Variants in SUN1 observed in about 807,000 individuals in gnomAD.
SUN1 encodes the protein SUN domain-containing protein 1.
A neutral mutation model predicts 103.2 loss-of-function variants in SUN1; 61 were observed. That is an observed-to-expected ratio of 0.59 (90% confidence interval 0.48 to 0.73). The LOEUF (loss-of-function observed/expected upper bound fraction) is 0.73. SUN1 is among the 30% of genes least tolerant of loss of function. SUN1 has a pLI of 0.00. For synonymous variants in SUN1, 490 were observed against 425.7 expected (o/e 1.15, Z -1.86); for missense variants, 1,052 against 1,034.6 (o/e 1.02, Z -0.23).
chr7:842,874 C>G (rs1299608055), intron 3 of SUN1: 2 of 472,288 alleles, frequency 4.2e-6, no homozygotes, highest in Non-Finnish European at 7.8e-6. Flanking sequence ...AGAGAGGCAT[C>G]TGCTGCTGCT....
chr7:868,148 A>G (rs1406556490), intron 16 of SUN1, among the ~76,000 whole-genome samples: 1 of 152,208 alleles, frequency 6.6e-6, no homozygotes, highest in Non-Finnish European at 1.5e-5. Flanking sequence ...TCTTCTAAAC[A>G]CGAATGAAAT....
At position 873,354 on chromosome 7, in the gene SUN1, A is replaced by G. The variant is rs1274563086; in HGVS notation, c.*23A>G. On this transcript the variant is annotated 3_prime_UTR_variant, in exon 19 of 19. Coordinates refer to ENST00000401592, the MANE Select transcript of SUN1 (RefSeq NM_001130965.3). ...TGAAGACACTACTCATTATTTTTGT[A>G]CATTTTTGTATATACTGGGACAGCG... The G allele has an allele frequency of 6.3e-6, 10 of 1,599,138 alleles. No individual in the cohort carries two copies. Among genetic ancestry groups the G allele is most frequent in the Non-Finnish European group, 8.6e-6 (10 of 1,166,584 alleles).
chr7:865,103 T>G (rs2128491682), intron 15 of SUN1, among the ~76,000 whole-genome samples: 1 of 152,318 alleles, frequency 6.6e-6, no homozygotes, highest in East Asian at 1.9e-4. Context: ...CTTATTTCAC[T>G]TAACATAGTG....
intron 1 of SUN1, among the ~76,000 whole-genome samples, chr7:824,805 T>C (rs1471335987): frequency 1.3e-5 from 2 of 152,148 alleles, no homozygotes; most frequent in Non-Finnish European, 2.9e-5. Flanking sequence ...TATCTGTCGA[T>C]ATGGCTTTGC....
intron 1 of SUN1, among the ~76,000 whole-genome samples, chr7:822,931 C>T (rs1787699937): frequency 6.6e-6 from 1 of 151,994 alleles, no homozygotes; most frequent in Non-Finnish European, 1.5e-5. Context: ...TTCCCACACA[C>T]ACACGGCCCT....
chr7:852,586 A>G (rs564481038), intron 7 of SUN1, 23 bp from the exon 8 acceptor site: 12 of 1,614,114 alleles, frequency 7.4e-6, no homozygotes, highest in Middle Eastern at 1.6e-4. Flanking sequence ...TTCTAAGTCA[A>G]AGGTTTTCAT....
In SUN1 at chr7:817,622, C is replaced by T. The variant is rs1193193916; in HGVS notation, c.-74+949C>T. 4 of 1,175,092 alleles carry T rather than the reference C, an allele frequency of 3.4e-6. No homozygotes were observed. The East Asian group carries it at 7.7e-5, about 23-fold the overall frequency. The allele number at this position is 1,175,092 out of a possible 1,614,324, so 72.8% of individuals were successfully genotyped here. On this transcript the variant is annotated intron_variant, in intron 1 of 17. Coordinates refer to the SUN1 transcript ENST00000389574. ...TTCTAAGCTTCAGTCATAGTATTGC[C>T]CATGAAGTGCTTGCGGCTCTAATTG...
rs369569152 is a variant in SUN1, at chr7:861,367, C to T, written c.1780-13C>T. On this transcript the variant is annotated splice_polypyrimidine_tract_variant and intron_variant, in intron 14 of 18. Transcript: ENST00000401592. Reference sequence around the variant, plus strand: ...TTCTGGTGTTTGGTCTTCCGTCCCTCGTGTCTGTCCAGCAAGCACGTGCCA... The same window carrying T: ...TTCTGGTGTTTGGTCTTCCGTCCCTTGTGTCTGTCCAGCAAGCACGTGCCA... 6 of 1,614,080 alleles carry T rather than the reference C, an allele frequency of 3.7e-6. No individual in the cohort carries two copies. Among genetic ancestry groups the T allele is most frequent in the South Asian group, 2.2e-5 (2 of 91,076 alleles).
intron 1 of SUN1, among the ~76,000 whole-genome samples, chr7:823,129 G>C (rs1035396568): frequency 3.3e-5 from 5 of 152,282 alleles, no homozygotes; most frequent in African/African-American, 7.2e-5. Context: ...AGGGTGCGTG[G>C]CGTGGAGAGC....
At position 859,418 on chromosome 7, in the gene SUN1, G is replaced by A. The variant is rs142313816; in HGVS notation, c.1525-710G>A. Among the ~76,000 whole-genome samples the A allele has an allele frequency of 3.3e-4, 50 of 152,284 alleles. No individual in the cohort carries two copies. The East Asian group carries it at 9.1e-3, about 28-fold the overall frequency. ...TTTTGAAATGAGCAACCATGCCCTT[G>A]GGAATCATCCTACAGAAATAAAGGC... On this transcript the variant is annotated intron_variant, in intron 13 of 18. Transcript: ENST00000401592.
chr7:843,703 G>T (rs1812384177), intron 5 of SUN1, 183 bp downstream of exon 5: 1 of 1,433,738 alleles, frequency 7.0e-7, no homozygotes, highest in Non-Finnish European at 9.1e-7. Context: ...CATTTTATGT[G>T]GTTAGTAATT....
chr7:851,241 G>T (rs571979160), intron 5 of SUN1, 143 bp from the exon 6 acceptor site: 2 of 590,388 alleles, frequency 3.4e-6, no homozygotes, highest in Non-Finnish European at 5.9e-6. Context: ...GAGTTATTTG[G>T]CTTTTCATAT....
At chr7:833,276 T>G (rs1424147225) in intron 1 of SUN1, 1 of 150,298 alleles carries the variant, frequency 6.7e-6, no homozygotes, top group Non-Finnish European at 1.5e-5. Flanking sequence ...ACCAGGAAAA[T>G]GCTTGTGTAA....
At chr7:866,886 T>C (rs1444157708) in intron 16 of SUN1, among the ~76,000 whole-genome samples, 2 of 151,550 alleles carry the variant, frequency 1.3e-5, no homozygotes, top group Admixed American at 1.3e-4. Context: ...CTTTATACTA[T>C]TGGCTGTACA....
intron 15 of SUN1, among the ~76,000 whole-genome samples, chr7:864,643 T>C (rs1283492347): frequency 6.8e-6 from 1 of 146,030 alleles, no homozygotes; most frequent in Non-Finnish European, 1.5e-5. Context: ...TCATTTTTCG[T>C]AGAGACAAAG....
chr7:815,584 AAAAC>A (rs1780122978), upstream of SUN1, among the ~76,000 whole-genome samples: 1 of 152,178 alleles, frequency 6.6e-6, no homozygotes, highest in African/African-American at 2.4e-5. Flanking sequence ...TCTCAAAAAA[AAAAC>A]AAAAGAGCAA....
At chr7:856,317 T>A in intron 11 of SUN1, 41 bp from the exon 12 acceptor site, 3 of 1,593,764 alleles carry the variant, frequency 1.9e-6, no homozygotes, top group Non-Finnish European at 2.6e-6. Flanking sequence ...AGTTAATATA[T>A]AACTTATGTG....
At chr7:830,388 G>A (rs1796833055), upstream of SUN1, among the ~76,000 whole-genome samples, 1 of 152,222 alleles carries the variant, frequency 6.6e-6, no homozygotes, top group South Asian at 2.1e-4. Context: ...TCATTACGCG[G>A]GGACTGCATC....
At chr7:857,415 T>C (rs1193755013) in intron 12 of SUN1, among the ~76,000 whole-genome samples, 2 of 152,198 alleles carry the variant, frequency 1.3e-5, no homozygotes, top group Admixed American at 1.3e-4. Flanking sequence ...TCAACAAGTA[T>C]GTGTGCCTGT....
Sources: gnomAD v4.1 joint callset for allele counts (sites outside exome capture counted in the v4.1 genomes callset) on GRCh38, gnomAD v4.1.1 for gene constraint, MANE v1.5 for transcripts, NCBI Gene and HGNC (gene_info 2026-07-23, HGNC 2026-07-21) for gene names.